The following LSAMP variants were observed in gnomAD, a reference collection of about 807,000 sequenced individuals.
The protein encoded by LSAMP is limbic system associated membrane protein.
Under a neutral mutation model 38.6 loss-of-function variants are expected in LSAMP, and 7 were observed. The observed-to-expected ratio is 0.18, with a 90% CI of 0.10 to 0.34. LSAMP has a LOEUF of 0.34. Ranked by LOEUF, LSAMP falls within the 10% of genes least tolerant of loss-of-function variation. LSAMP has a pLI of 1.00. For missense variants in LSAMP, 313 were observed against 420.0 expected, an observed-to-expected ratio of 0.75 and a Z score of 2.23; for synonymous variants, 154 against 166.8, an observed-to-expected ratio of 0.92 and a Z score of 0.59.
At chr3:115,893,694 G>A (rs1236590893) in intron 3 of LSAMP, among the ~76,000 whole-genome samples, 1 of 151,664 alleles carries the variant, frequency 6.6e-6, no homozygotes, top group African/African-American at 2.4e-5. Context: ...AAAAAATCAG[G>A]AATAAAAGTA....
chr3:115,821,963 G>A (rs1214920462), intron 6 of LSAMP, among the ~76,000 whole-genome samples: 1 of 152,062 alleles, frequency 6.6e-6, no homozygotes, highest in Non-Finnish European at 1.5e-5. Flanking sequence ...TAATTATAGT[G>A]GCTTAAAAGG....
At chr3:116,235,353 T>A (rs575142953) in intron 1 of LSAMP, among the ~76,000 whole-genome samples, 2 of 152,128 alleles carry the variant, frequency 1.3e-5, no homozygotes, top group South Asian at 4.1e-4. Context: ...TGGGCTCAAG[T>A]GATCTTCCCA....
In LSAMP at chr3:116,246,211, G is replaced by A. The variant is rs192781143; in HGVS notation, c.156-159655C>T. 3.9e-3 allele frequency among the ~76,000 whole-genome samples: 594 copies of A among 152,266 alleles called. 4 individuals are homozygous for A. The highest frequency in any genetic ancestry group is 0.013 in the African/African-American group (557 of 41,552). On this transcript the variant is annotated intron_variant, in intron 1 of 6. Coordinates refer to ENST00000490035, the MANE Select transcript of LSAMP (RefSeq NM_002338.5). ...TCAAGCCTTCAATAGTTCCTAGAGT[G>A]TAAAACACATTCTTATTCTTCCATC... is the stretch of plus-strand genomic sequence containing the variant.
At chr3:115,980,857 C>T (rs1053743797) in intron 3 of LSAMP, among the ~76,000 whole-genome samples, 13 of 152,098 alleles carry the variant, frequency 8.5e-5, no homozygotes, top group Non-Finnish European at 1.8e-4. Flanking sequence ...AGCCTTTATG[C>T]TTCAGAAAAT....
At chr3:116,035,436 T>A (rs1473566647) in intron 2 of LSAMP, among the ~76,000 whole-genome samples, 2 of 152,182 alleles carry the variant, frequency 1.3e-5, no homozygotes, top group African/African-American at 4.8e-5. Context: ...ATTAGTCTAC[T>A]AATATGATAA....
At chr3:116,080,451 A>C (rs1707847536) in intron 2 of LSAMP, among the ~76,000 whole-genome samples, 1 of 152,244 alleles carries the variant, frequency 6.6e-6, no homozygotes, top group Admixed American at 6.5e-5. Flanking sequence ...TTAATAACTA[A>C]AAGATGGACT....
At chr3:116,001,363 T>G (rs1448597457) in intron 3 of LSAMP, among the ~76,000 whole-genome samples, 1 of 152,224 alleles carries the variant, frequency 6.6e-6, no homozygotes, top group Non-Finnish European at 1.5e-5. Flanking sequence ...AAAGGAATTC[T>G]GTACAGGCAT....
intron 1 of LSAMP, among the ~76,000 whole-genome samples, chr3:116,175,867 T>C (rs1710326514): frequency 6.6e-6 from 1 of 152,116 alleles, no homozygotes; most frequent in African/African-American, 2.4e-5. Flanking sequence ...CTAATGGTTA[T>C]AGTAAATCCA....
At chr3:115,970,893 T>C (rs1378455854) in intron 3 of LSAMP, among the ~76,000 whole-genome samples, 2 of 152,214 alleles carry the variant, frequency 1.3e-5, no homozygotes, top group African/African-American at 4.8e-5. Context: ...AGACCTATTA[T>C]TGATATGTGT....
intron 6 of LSAMP, among the ~76,000 whole-genome samples, chr3:115,811,059 TCAAAAA>T (rs962349891): frequency 6.6e-6 from 1 of 152,052 alleles, no homozygotes; most frequent in African/African-American, 2.4e-5. Flanking sequence ...ACTTTAAAAA[TCAAAAA>T]CAAAAACAAA....
chr3:116,334,846 C>A (rs1251603110), intron 1 of LSAMP, among the ~76,000 whole-genome samples: 5 of 152,034 alleles, frequency 3.3e-5, no homozygotes, highest in Non-Finnish European at 7.4e-5. Context: ...CTTGCACTTT[C>A]ACTATTTCTA....
chr3:116,090,867 G>A (rs966503631), intron 1 of LSAMP, among the ~76,000 whole-genome samples: 1 of 152,160 alleles, frequency 6.6e-6, no homozygotes, highest in Non-Finnish European at 1.5e-5. Context: ...TGGAGGCAGG[G>A]CGAGATCACA....
intron 2 of LSAMP, among the ~76,000 whole-genome samples, chr3:116,022,072 G>A (rs80287349): frequency 0.018 from 2,794 of 152,158 alleles, 90 homozygotes; most frequent in African/African-American, 0.063. Flanking sequence ...ATGTAATCAC[G>A]CTGTATCAGT....
intron 1 of LSAMP, among the ~76,000 whole-genome samples, chr3:116,290,770 T>TAATAATAAA (rs1469834988): frequency 7.3e-6 from 1 of 136,418 alleles, no homozygotes; most frequent in Non-Finnish European, 1.6e-5. Context: ...ATAATAATAA[T>TAATAATAAA]AATAAAATAA....
At chr3:116,017,076 C>T (rs1940505412) in intron 3 of LSAMP, among the ~76,000 whole-genome samples, 1 of 151,964 alleles carries the variant, frequency 6.6e-6, no homozygotes, top group Non-Finnish European at 1.5e-5. Flanking sequence ...GAAAAACAAG[C>T]TATTAAGGGG....
intron 3 of LSAMP, among the ~76,000 whole-genome samples, chr3:115,950,625 T>C (rs1938251270): frequency 6.6e-6 from 1 of 152,078 alleles, no homozygotes; most frequent in African/African-American, 2.4e-5. Context: ...TATCCCATGT[T>C]CATTGTTGGG....
intron 3 of LSAMP, among the ~76,000 whole-genome samples, chr3:115,943,321 T>A (rs756802011): frequency 1.1e-4 from 16 of 152,138 alleles, no homozygotes; most frequent in Non-Finnish European, 2.1e-4. Context: ...TTTATCCAGT[T>A]TGGCTCTTCC....
chr3:115,980,429 T>C (rs971624595), intron 3 of LSAMP, among the ~76,000 whole-genome samples: 5 of 151,654 alleles, frequency 3.3e-5, no homozygotes, highest in Admixed American at 6.6e-5. Flanking sequence ...AGCCCTATGG[T>C]GATCTCTCAG....
chr3:115,856,573 C>G (rs1349057848), intron 3 of LSAMP, among the ~76,000 whole-genome samples: 1 of 150,970 alleles, frequency 6.6e-6, no homozygotes, highest in African/African-American at 2.4e-5. Flanking sequence ...GAACTGAGAT[C>G]GAGCCACTGC....
Sources: allele counts gnomAD v4.1 joint callset (sites outside exome capture counted in the v4.1 genomes callset), GRCh38; gene constraint gnomAD v4.1.1; transcripts MANE v1.5; gene names NCBI Gene and HGNC (gene_info 2026-07-23, HGNC 2026-07-21).